NRXN3: variants seen among roughly 807,000 people sequenced by gnomAD.
NRXN3 encodes the protein neurexin 3.
NRXN3 carries 32 observed loss-of-function variants against 137.6 expected under a neutral mutation model. That is an observed-to-expected ratio of 0.23 (90% confidence interval 0.18 to 0.31). NRXN3 has a LOEUF of 0.31. NRXN3 is among the 10% of genes least tolerant of loss of function. NRXN3 has a pLI of 1.00. For synonymous variants in NRXN3, 798 were observed against 784.5 expected (o/e 1.02, Z -0.29); for missense variants, 1,574 against 2,062.5 (o/e 0.76, Z 4.59).
intron 15 of NRXN3, among the ~76,000 whole-genome samples, chr14:79,225,022 C>A (rs1192671471): frequency 6.6e-6 from 1 of 152,114 alleles, no homozygotes; most frequent in African/African-American, 2.4e-5. Flanking sequence ...GGCTGCTGAA[C>A]CCAGCTGGAC....
chr14:79,809,364 C>T (rs1405022663), intron 20 of NRXN3, among the ~76,000 whole-genome samples: 1 of 152,174 alleles, frequency 6.6e-6, no homozygotes, highest in Non-Finnish European at 1.5e-5. Context: ...GTCTCAAACT[C>T]CTGGGCTCAA....
intron 17 of NRXN3, among the ~76,000 whole-genome samples, chr14:79,667,801 G>A (rs565490447): frequency 6.6e-6 from 1 of 151,928 alleles, no homozygotes; most frequent in South Asian, 2.1e-4. Context: ...ACAAGGGAGG[G>A]GGGGTGAAAG....
In NRXN3 at chr14:78,943,627, T is replaced by TATATAA. The variant is rs1567778452; in HGVS notation, c.2276-13610_2276-13609insAATATA. 6.9e-3 allele frequency among the ~76,000 whole-genome samples: 61 copies of TATATAA among 8,794 alleles called. 3 individuals are homozygous for TATATAA. Among genetic ancestry groups the TATATAA allele is most frequent in the African/African-American group, 0.024 (56 of 2,358 alleles). The allele number at this position is 8,794 out of a possible 152,430, so 5.8% of individuals were successfully genotyped here. A position where few individuals can be genotyped will look rare whatever the true frequency, so the allele number is the denominator to read the frequency against. ...ATCACTGTTAAAAAAAAAAAATATA[T>TATATAA]ATATATATATATATATATATATATA... is the stretch of plus-strand genomic sequence containing the variant. On this transcript the variant is annotated intron_variant, in intron 10 of 20. Coordinates refer to ENST00000335750, the MANE Select transcript of NRXN3 (RefSeq NM_001330195.2).
At chr14:79,137,208 C>T (rs2058328293) in intron 15 of NRXN3, among the ~76,000 whole-genome samples, 1 of 152,138 alleles carries the variant, frequency 6.6e-6, no homozygotes, top group Non-Finnish European at 1.5e-5. Flanking sequence ...TCAGTTAGGT[C>T]CCAGCTTCAT....
At chr14:79,634,256 A>G (rs768845204) in intron 16 of NRXN3, among the ~76,000 whole-genome samples, 10 of 152,156 alleles carry the variant, frequency 6.6e-5, no homozygotes, top group Non-Finnish European at 1.3e-4. Context: ...GTGTTGTCTA[A>G]GGCTATATAA....
At chr14:78,228,782 C>T (rs2065008345) in intron 1 of NRXN3, among the ~76,000 whole-genome samples, 1 of 152,118 alleles carries the variant, frequency 6.6e-6, no homozygotes, top group Non-Finnish European at 1.5e-5. Flanking sequence ...ATACCAGAAC[C>T]TTGGGGCAGG....
At chr14:79,446,838 G>A (rs2096071110) in intron 15 of NRXN3, among the ~76,000 whole-genome samples, 1 of 152,056 alleles carries the variant, frequency 6.6e-6, no homozygotes, top group African/African-American at 2.4e-5. Context: ...AAATTATTGT[G>A]GTAAGAACAC....
chr14:79,488,759 G>C (rs1011307328), intron 16 of NRXN3, among the ~76,000 whole-genome samples: 1 of 152,168 alleles, frequency 6.6e-6, no homozygotes. Context: ...AGTAAAGAAA[G>C]TTTTAAGCTC....
intron 19 of NRXN3, among the ~76,000 whole-genome samples, chr14:79,707,345 G>C (rs1379595699): frequency 6.6e-6 from 1 of 152,202 alleles, no homozygotes; most frequent in Non-Finnish European, 1.5e-5. Context: ...GGCAAAGGGA[G>C]TTAGGAGGAA....
chr14:79,631,320 G>A (rs981008210), intron 16 of NRXN3, among the ~76,000 whole-genome samples: 45 of 152,362 alleles, frequency 3.0e-4, no homozygotes, highest in African/African-American at 4.6e-4. Context: ...GCCCTCGCTC[G>A]CTCTTGGCGC....
intron 6 of NRXN3, among the ~76,000 whole-genome samples, chr14:78,675,656 T>C (rs2097995771): frequency 6.6e-6 from 1 of 152,192 alleles, no homozygotes; most frequent in South Asian, 2.1e-4. Context: ...GACAGATTGG[T>C]AGTGTTGGGA....
chr14:79,253,188 G>T (rs1339193162), intron 15 of NRXN3, among the ~76,000 whole-genome samples: 4 of 152,152 alleles, frequency 2.6e-5, no homozygotes, highest in African/African-American at 9.7e-5. Context: ...GTTTGCAAAA[G>T]AAAGAATCCT....
In NRXN3 at chr14:79,220,717, G is replaced by A. The variant is rs566436794; in HGVS notation, c.3262+232576G>A. 1.7e-4 allele frequency among the ~76,000 whole-genome samples: 26 copies of A among 151,896 alleles called. No homozygotes were observed. In the South Asian group the frequency reaches 4.0e-3, roughly 23 times the overall value. On this transcript the variant is annotated intron_variant, in intron 15 of 20. Coordinates refer to ENST00000335750, the MANE Select transcript of NRXN3 (RefSeq NM_001330195.2). ...ATTGGCTTCTTTTACTTAGTAACATGCATTTAAGTGTCTTCCATATCTTTT... is the reference window on the plus strand; with the variant it reads ...ATTGGCTTCTTTTACTTAGTAACATACATTTAAGTGTCTTCCATATCTTTT...
chr14:79,302,787 G>T (rs1005355489), intron 15 of NRXN3, among the ~76,000 whole-genome samples: 1 of 151,906 alleles, frequency 6.6e-6, no homozygotes, highest in African/African-American at 2.4e-5. Context: ...TGCCATGATT[G>T]TAAGTTTCCT....
At chr14:78,586,034 C>T (rs1566818776) in intron 4 of NRXN3, among the ~76,000 whole-genome samples, 1 of 152,194 alleles carries the variant, frequency 6.6e-6, no homozygotes, top group Non-Finnish European at 1.5e-5. Context: ...AGCCCTATTA[C>T]TTGGAGCAGG....
chr14:78,299,626 T>C (rs975850872), intron 4 of NRXN3, among the ~76,000 whole-genome samples: 2 of 152,156 alleles, frequency 1.3e-5, no homozygotes, highest in African/African-American at 4.8e-5. Context: ...GATAGGCTGA[T>C]GGGGACTTCC....
chr14:79,138,114 G>C (rs1303651445), intron 15 of NRXN3, among the ~76,000 whole-genome samples: 1 of 152,140 alleles, frequency 6.6e-6, no homozygotes, highest in Non-Finnish European at 1.5e-5. Flanking sequence ...ATAGGACATG[G>C]GAACAGGAAT....
At chr14:79,780,210 G>C (rs1372808397) in intron 19 of NRXN3, among the ~76,000 whole-genome samples, 1 of 151,570 alleles carries the variant, frequency 6.6e-6, no homozygotes, top group Non-Finnish European at 1.5e-5. Flanking sequence ...TTATTTGTTT[G>C]TTGTGTCCTT....
intron 4 of NRXN3, among the ~76,000 whole-genome samples, chr14:78,299,185 T>A (rs1347407361): frequency 6.6e-6 from 1 of 152,064 alleles, no homozygotes; most frequent in Non-Finnish European, 1.5e-5. Flanking sequence ...GGAGAGGAGA[T>A]CAGGTGACTT....
Sources: gnomAD v4.1 joint callset for allele counts (sites outside exome capture counted in the v4.1 genomes callset) on GRCh38, gnomAD v4.1.1 for gene constraint, MANE v1.5 for transcripts, NCBI Gene and HGNC (gene_info 2026-07-23, HGNC 2026-07-21) for gene names.